The following GABRG3 variants were observed in gnomAD, a reference collection of about 807,000 sequenced individuals.
GABRG3 encodes the protein gamma-aminobutyric acid type A receptor subunit gamma3.
Under a neutral mutation model 48.8 loss-of-function variants are expected in GABRG3, and 25 were observed. The observed-to-expected ratio is 0.51, with a 90% CI of 0.37 to 0.72. The LOEUF (loss-of-function observed/expected upper bound fraction) is 0.72. Among genes scored for constraint, GABRG3 ranks in the 30% least tolerant of loss-of-function variants. The probability of loss-of-function intolerance (pLI) is 0.00; values close to 1 mark genes in which losing one functional copy is unlikely to be tolerated. For missense variants in GABRG3, 394 were observed against 577.9 expected, an observed-to-expected ratio of 0.68 and a Z score of 3.26; for synonymous variants, 227 against 217.6, an observed-to-expected ratio of 1.04 and a Z score of -0.38.
intron 3 of GABRG3, among the ~76,000 whole-genome samples, chr15:27,289,228 A>G (rs1935795527): frequency 2.0e-5 from 3 of 150,176 alleles, no homozygotes; most frequent in African/African-American, 7.3e-5. Flanking sequence ...TTGTATTTGT[A>G]CATTATTTCT....
At chr15:27,318,560 C>T (rs1595673691) in intron 3 of GABRG3, among the ~76,000 whole-genome samples, 2 of 152,318 alleles carry the variant, frequency 1.3e-5, no homozygotes, top group African/African-American at 4.8e-5. Context: ...TCCAGCCCAT[C>T]CCTAGGGCCG....
chr15:27,098,344 G>C (rs547491751), intron 3 of GABRG3, among the ~76,000 whole-genome samples: 2 of 152,138 alleles, frequency 1.3e-5, no homozygotes, highest in Non-Finnish European at 2.9e-5. Context: ...TGATACAGGA[G>C]AATTGCTTGA....
intron 5 of GABRG3, among the ~76,000 whole-genome samples, chr15:27,408,568 G>A (rs73365300): frequency 0.011 from 1,668 of 152,250 alleles, 38 homozygotes; most frequent in African/African-American, 0.038. Context: ...CGGGACCAAA[G>A]CAGGTGAGAA....
Position 27,346,369 on chromosome 15 carries a change from C to A in GABRG3, c.574+17481C>A, listed in dbSNP as rs557594218. On this transcript the variant is annotated intron_variant, in intron 5 of 9. Coordinates refer to ENST00000615808, the MANE Select transcript of GABRG3 (RefSeq NM_033223.5). ...TTCCAAAATTGACTGTTTTGGCTTC[C>A]TGCAGTGTGAATATGGTATGACCAA... Among the ~76,000 whole-genome samples, 12 of 152,244 alleles carry A rather than the reference C, an allele frequency of 7.9e-5. 1 individual carries two copies. In the East Asian group the frequency reaches 1.5e-3, roughly 20 times the overall value.
At position 27,535,660 on chromosome 15, in the gene GABRG3, C is replaced by T. The variant is rs1023380421; in HGVS notation, c.*2779C>T. On this transcript the variant is annotated 3_prime_UTR_variant, in exon 10 of 10. Coordinates refer to ENST00000615808, the MANE Select transcript of GABRG3 (RefSeq NM_033223.5). Reference sequence around the variant, plus strand: ...CTAAAGCACCCCCTAAGAGCATGTCCATGCCGGGTTCTCCGCAGGCTTGCA... The same window carrying T: ...CTAAAGCACCCCCTAAGAGCATGTCTATGCCGGGTTCTCCGCAGGCTTGCA... 3 of 152,224 alleles carry T rather than the reference C, an allele frequency of 2.0e-5. No individual in the cohort carries two copies. Among genetic ancestry groups the T allele is most frequent in the Non-Finnish European group, 4.4e-5 (3 of 68,048 alleles). 9.4% of individuals were successfully genotyped at this position (152,224 alleles called of 1,614,324 possible). A position where few individuals can be genotyped will look rare whatever the true frequency, so the allele number is the denominator to read the frequency against.
At chr15:27,039,854 C>G (rs1363883152) in intron 3 of GABRG3, among the ~76,000 whole-genome samples, 1 of 152,204 alleles carries the variant, frequency 6.6e-6, no homozygotes, top group Non-Finnish European at 1.5e-5. Flanking sequence ...TTCCATCCAC[C>G]CCTATTGCCC....
chr15:27,508,665 C>T (rs1890819336), intron 6 of GABRG3, among the ~76,000 whole-genome samples: 1 of 151,932 alleles, frequency 6.6e-6, no homozygotes, highest in African/African-American at 2.4e-5. Context: ...GATCTTCTGC[C>T]AATGAATTCC....
chr15:27,134,799 C>T (rs1048967356), intron 3 of GABRG3, among the ~76,000 whole-genome samples: 1 of 152,184 alleles, frequency 6.6e-6, no homozygotes, highest in African/African-American at 2.4e-5. Context: ...AATACTCTTT[C>T]CAAAGCAGAT....
intron 6 of GABRG3, among the ~76,000 whole-genome samples, chr15:27,518,369 C>CAAAT (rs1891077782): frequency 7.9e-6 from 1 of 126,918 alleles, no homozygotes; most frequent in Admixed American, 8.1e-5. Flanking sequence ...AACTCTGTCT[C>CAAAT]AAAAAAAAAA....
intron 5 of GABRG3, among the ~76,000 whole-genome samples, chr15:27,386,583 C>T (rs768515811): frequency 6.5e-4 from 98 of 151,908 alleles, no homozygotes; most frequent in Middle Eastern, 3.4e-3. Flanking sequence ...CTGTGCTCTG[C>T]TCCAAATAAA....
At chr15:27,138,607 C>T (rs1249674423) in intron 3 of GABRG3, among the ~76,000 whole-genome samples, 2 of 152,182 alleles carry the variant, frequency 1.3e-5, no homozygotes, top group Non-Finnish European at 2.9e-5. Context: ...GGAGTGCCCC[C>T]CTGGATGCCT....
intron 5 of GABRG3, among the ~76,000 whole-genome samples, chr15:27,462,381 C>T (rs1010890177): frequency 2.0e-5 from 3 of 152,076 alleles, no homozygotes; most frequent in African/African-American, 4.8e-5. Flanking sequence ...AATAAATAAC[C>T]GGAACTCTGG....
At chr15:27,196,735 T>G (rs1457154247) in intron 3 of GABRG3, among the ~76,000 whole-genome samples, 2 of 152,252 alleles carry the variant, frequency 1.3e-5, no homozygotes, top group African/African-American at 4.8e-5. Flanking sequence ...AAGTTAAGAC[T>G]TTGGGATCTG....
intron 2 of GABRG3, among the ~76,000 whole-genome samples, chr15:27,001,822 C>G (rs1025683317): frequency 2.0e-5 from 3 of 149,604 alleles, no homozygotes; most frequent in African/African-American, 7.4e-5. Flanking sequence ...ATCAATTGAC[C>G]ACTGGCTGAT....
chr15:27,415,475 A>T (rs115616574), intron 5 of GABRG3, among the ~76,000 whole-genome samples: 2,004 of 152,066 alleles, frequency 0.013, 51 homozygotes, highest in African/African-American at 0.045. Context: ...TAGCATATTC[A>T]TCATTGTAGT....
At chr15:27,016,240 C>CTTTTTT (rs34202673) in intron 2 of GABRG3, among the ~76,000 whole-genome samples, 6 of 140,720 alleles carry the variant, frequency 4.3e-5, no homozygotes, top group African/African-American at 1.3e-4. Flanking sequence ...TTCTTTCTTT[C>CTTTTTT]TTTTTTTTTT....
chr15:27,305,561 C>A (rs1405342217), intron 3 of GABRG3, among the ~76,000 whole-genome samples: 2 of 139,876 alleles, frequency 1.4e-5, no homozygotes, highest in East Asian at 2.0e-4. Context: ...ATAATATAAA[C>A]CTACGTGTTT....
chr15:27,189,895 G>T (rs12901041), intron 3 of GABRG3, among the ~76,000 whole-genome samples: 1 of 151,790 alleles, frequency 6.6e-6, no homozygotes, highest in Non-Finnish European at 1.5e-5. Flanking sequence ...TTTGAGATAC[G>T]TCCCATCAAT....
chr15:27,203,025 A>G (rs544047044), intron 3 of GABRG3, among the ~76,000 whole-genome samples: 12 of 152,102 alleles, frequency 7.9e-5, no homozygotes, highest in Admixed American at 2.6e-4. Context: ...TAAGTCTTTA[A>G]TCTATATGGA....
Sources: gnomAD v4.1 joint callset for allele counts (sites outside exome capture counted in the v4.1 genomes callset) on GRCh38, gnomAD v4.1.1 for gene constraint, MANE v1.5 for transcripts, NCBI Gene and HGNC (gene_info 2026-07-23, HGNC 2026-07-21) for gene names.